CLIC5: variants seen among roughly 807,000 people sequenced by gnomAD.
The protein encoded by CLIC5 is CLIC family member 5.
Under a neutral mutation model 24.7 loss-of-function variants are expected in CLIC5, and 20 were observed. The ratio of observed to expected loss-of-function variants is 0.81; its 90% CI spans 0.57 to 1.18. The LOEUF (loss-of-function observed/expected upper bound fraction) is 1.18. Ranked by LOEUF, CLIC5 falls within the 50% of genes most tolerant of loss-of-function variation. CLIC5 has a pLI of 0.00. For missense variants in CLIC5, 341 were observed against 326.1 expected, an observed-to-expected ratio of 1.05 and a Z score of -0.35; for synonymous variants, 159 against 135.6, an observed-to-expected ratio of 1.17 and a Z score of -1.20.
the CLIC5 span, among the ~76,000 whole-genome samples, chr6:46,109,858 G>A: frequency 6.8e-6 from 1 of 147,664 alleles, no homozygotes; most frequent in Non-Finnish European, 1.5e-5. Flanking sequence ...GGGCTTGCAT[G>A]TCTGACATAA....
At chr6:45,890,760 G>A (rs999327532) in intron 6 of CLIC5, among the ~76,000 whole-genome samples, 2 of 152,122 alleles carry the variant, frequency 1.3e-5, no homozygotes, top group African/African-American at 4.8e-5. Flanking sequence ...ACAGGAAATG[G>A]TGTCATTTGT....
chr6:46,028,030 G>C (rs764369619), intron 1 of CLIC5, among the ~76,000 whole-genome samples: 3 of 152,090 alleles, frequency 2.0e-5, no homozygotes, highest in African/African-American at 7.2e-5. Flanking sequence ...AGACTCAGTC[G>C]TTTATCCCCC....
chr6:46,080,904 C>A (rs571180586), upstream of CLIC5, among the ~76,000 whole-genome samples: 1 of 152,138 alleles, frequency 6.6e-6, no homozygotes, highest in Non-Finnish European at 1.5e-5. Flanking sequence ...ATAGACCACC[C>A]AAATTAGGGA....
upstream of CLIC5, among the ~76,000 whole-genome samples, chr6:46,083,585 T>C (rs555446847): frequency 6.7e-3 from 1,024 of 152,266 alleles, 13 homozygotes; most frequent in African/African-American, 0.023. Flanking sequence ...TTGAGCAGTT[T>C]TGAGTGAGTT....
the CLIC5 span, among the ~76,000 whole-genome samples, chr6:46,116,912 C>T: frequency 6.6e-6 from 1 of 152,130 alleles, no homozygotes; most frequent in African/African-American, 2.4e-5. Context: ...AACACCTTAA[C>T]CTCTGTGATT....
intron 3 of CLIC5, among the ~76,000 whole-genome samples, chr6:45,947,234 C>T (rs111299013): frequency 6.6e-6 from 1 of 152,194 alleles, no homozygotes; most frequent in Admixed American, 6.5e-5. Flanking sequence ...TTGGAGACCC[C>T]TGAGTTAGAG....
intron 5 of CLIC5, chr6:45,913,666 G>T: frequency 1.6e-6 from 1 of 621,434 alleles, no homozygotes; most frequent in South Asian, 8.4e-5. Context: ...AGGAGAGGAT[G>T]ACACTACATG....
At chr6:45,956,470 GTTTTTTTT>G (rs35101536) in intron 1 of CLIC5, among the ~76,000 whole-genome samples, 4 of 135,440 alleles carry the variant, frequency 3.0e-5, no homozygotes, top group Non-Finnish European at 6.4e-5. Context: ...GGCTTACTGA[GTTTTTTTT>G]TTTTTTTTTT....
intron 1 of CLIC5, among the ~76,000 whole-genome samples, chr6:46,076,843 G>A (rs1020123453): frequency 2.0e-5 from 3 of 152,206 alleles, no homozygotes; most frequent in African/African-American, 7.2e-5. Flanking sequence ...AATGCAAAGT[G>A]CCTGGGAGAC....
chr6:46,027,836 T>C (rs1767383361), intron 1 of CLIC5, among the ~76,000 whole-genome samples: 1 of 152,194 alleles, frequency 6.6e-6, no homozygotes. Flanking sequence ...GGGAGAAACC[T>C]CTCCCAAAGG....
At chr6:46,016,018 G>A (rs2127446721), upstream of CLIC5, 1 of 519,386 alleles carries the variant, frequency 1.9e-6, no homozygotes, top group African/African-American at 2.1e-5. Context: ...GACAGAGCTG[G>A]TCCTGGCAAA....
At chr6:45,979,083 C>T (rs1454613256) in intron 1 of CLIC5, among the ~76,000 whole-genome samples, 1 of 152,112 alleles carries the variant, frequency 6.6e-6, no homozygotes, top group East Asian at 1.9e-4. Context: ...TTAGACAACA[C>T]TAAGTGGAGC....
At chr6:46,046,172 C>A (rs1562022450) in intron 1 of CLIC5, among the ~76,000 whole-genome samples, 1 of 152,182 alleles carries the variant, frequency 6.6e-6, no homozygotes, top group Non-Finnish European at 1.5e-5. Context: ...TTGCTTACCC[C>A]TGAGTAATGC....
At chr6:45,998,188 A>AT (rs1388706864) in intron 1 of CLIC5, among the ~76,000 whole-genome samples, 1 of 152,080 alleles carries the variant, frequency 6.6e-6, no homozygotes, top group African/African-American at 2.4e-5. Flanking sequence ...TAATCATTAT[A>AT]TTTTTCACAC....
intron 5 of CLIC5, 136 bp downstream of exon 5, chr6:45,914,092 T>C: frequency 1.6e-6 from 1 of 615,200 alleles, no homozygotes; most frequent in Non-Finnish European, 2.5e-6. Context: ...GAGGGTGACC[T>C]TGGGTCCTTA....
intron 2 of CLIC5, among the ~76,000 whole-genome samples, chr6:45,952,890 T>A (rs1764518775): frequency 6.6e-6 from 1 of 152,226 alleles, no homozygotes; most frequent in Non-Finnish European, 1.5e-5. Flanking sequence ...ATAAGTCTGC[T>A]GCTCTCTTTA....
chr6:46,056,124 A>T (rs1413578326), intron 1 of CLIC5, among the ~76,000 whole-genome samples: 2 of 152,208 alleles, frequency 1.3e-5, no homozygotes, highest in Non-Finnish European at 2.9e-5. Context: ...AAAAAATAGT[A>T]AAAACTGAGG....
chr6:45,931,497 G>A (rs1309078981), intron 4 of CLIC5, among the ~76,000 whole-genome samples: 1 of 152,154 alleles, frequency 6.6e-6, no homozygotes, highest in Non-Finnish European at 1.5e-5. Flanking sequence ...GATCTGGAAA[G>A]GACTGTGAAA....
intron 1 of CLIC5, among the ~76,000 whole-genome samples, chr6:46,065,365 A>G (rs1762414999): frequency 6.6e-6 from 1 of 151,936 alleles, no homozygotes; most frequent in African/African-American, 2.4e-5. Flanking sequence ...TTTTTTTAAA[A>G]AAAAGGTTAA....
Sources: allele counts gnomAD v4.1 joint callset (sites outside exome capture counted in the v4.1 genomes callset), GRCh38; gene constraint gnomAD v4.1.1; transcripts MANE v1.5; gene names NCBI Gene and HGNC (gene_info 2026-07-23, HGNC 2026-07-21).